The following DBF4B variants were observed in gnomAD, a reference collection of about 807,000 sequenced individuals.
DBF4B encodes the protein protein DBF4 homolog B.
A neutral mutation model predicts 53.4 loss-of-function variants in DBF4B; 49 were observed. That is an observed-to-expected ratio of 0.92 (90% CI 0.73 to 1.16). DBF4B has a LOEUF of 1.16. Ranked by LOEUF, DBF4B falls within the 50% of genes most tolerant of loss-of-function variation. The pLI, the probability that DBF4B is intolerant of heterozygous loss-of-function variation, is 0.00. For missense variants in DBF4B, 692 were observed against 775.0 expected, an observed-to-expected ratio of 0.89 and a Z score of 1.27; for synonymous variants, 257 against 288.7, an observed-to-expected ratio of 0.89 and a Z score of 1.11.
rs1195085633 is a variant in DBF4B at position 44,715,647 on chromosome 17, TTCTTA to T, written c.82+6282_82+6286del. ...GCTTTTTCTTTTCTGTGTGTTTCTT[TTCTTA>T]CAGTGTCTTGTTGTGCTTAATGGAT... is the stretch of plus-strand genomic sequence containing the variant. On this transcript the variant is annotated intron_variant, in intron 2 of 13. Transcript: ENST00000315005. Among the ~76,000 whole-genome samples the T allele has an allele frequency of 2.0e-5, 3 of 152,110 alleles. No individual in the cohort carries two copies. In the East Asian group the frequency reaches 5.8e-4, roughly 29 times the overall value.
chr17:44,709,294 C>T lies in DBF4B; in HGVS notation c.20-10C>T, dbSNP rs543164262. On this transcript the variant is annotated splice_polypyrimidine_tract_variant and intron_variant, in intron 1 of 13. Coordinates refer to ENST00000315005, the MANE Select transcript of DBF4B (RefSeq NM_145663.3). ...GAAGATGGTTGAGTTGCTGTTATGT[C>T]CTTTCTCAGGAGACGATTGCCTCGA... The T allele has an allele frequency of 1.4e-4, 220 of 1,614,020 alleles. 2 individuals carry two copies. In the East Asian group the frequency reaches 4.9e-3, roughly 36 times the overall value.
chr17:44,738,484 G>A, intron 9 of DBF4B, 60 bp downstream of exon 9: 1 of 1,561,452 alleles, frequency 6.4e-7, no homozygotes, highest in Non-Finnish European at 8.7e-7. Flanking sequence ...GAGGGAGGAG[G>A]GAGGGGTGCT....
Position 44,749,958 on chromosome 17 carries a change from T to G in DBF4B, c.1190-637T>G. 9.9e-7 allele frequency: 1 copy of G among 1,006,332 alleles called. No homozygotes were observed. Among genetic ancestry groups the G allele is most frequent in the Non-Finnish European group, 1.2e-6 (1 of 842,024 alleles). The allele number at this position is 1,006,332 out of a possible 1,614,324, so 62.3% of individuals were successfully genotyped here. ...AGAGGAGGGGCTTGGGCTGCACCACTCACAGAGCTCCCTCCCCCAGGCACT... is the reference window on the plus strand; with the variant it reads ...AGAGGAGGGGCTTGGGCTGCACCACGCACAGAGCTCCCTCCCCCAGGCACT... On this transcript the variant is annotated intron_variant, in intron 13 of 13. Transcript: ENST00000315005. This position sits in a 1 kb window ranked among gnomAD's most constrained non-coding sequence, Gnocchi z 4.4.
At chr17:44,734,761 A>G (rs906797805) in intron 7 of DBF4B, among the ~76,000 whole-genome samples, 9 of 152,214 alleles carry the variant, frequency 5.9e-5, no homozygotes, top group Non-Finnish European at 8.8e-5. Flanking sequence ...AGTAATAGCT[A>G]TTAGTTAACA....
intron 2 of DBF4B, among the ~76,000 whole-genome samples, chr17:44,710,976 ATTT>A (rs10522434): frequency 1.7e-4 from 17 of 98,286 alleles, no homozygotes; most frequent in African/African-American, 8.3e-4. Context: ...TTCCAGTTTG[ATTT>A]TTTTTTTTTT....
intron 3 of DBF4B, among the ~76,000 whole-genome samples, chr17:44,727,837 A>C (rs1568175110): frequency 6.7e-6 from 1 of 149,268 alleles, no homozygotes. Flanking sequence ...AGCTGGGTTT[A>C]CAGGTGCCTG....
intron 3 of DBF4B, among the ~76,000 whole-genome samples, chr17:44,723,570 C>G (rs1974038862): frequency 6.6e-6 from 1 of 151,830 alleles, no homozygotes; most frequent in African/African-American, 2.4e-5. Flanking sequence ...CTACCCTGGC[C>G]TAAATGACAA....
chr17:44,719,844 A>AT (rs1222206528), intron 2 of DBF4B: 2 of 227,424 alleles, frequency 8.8e-6, no homozygotes, highest in Non-Finnish European at 1.9e-5. Flanking sequence ...GAAAGCTTTG[A>AT]TTTTTTTCTA....
chr17:44,744,081 A>ACCCCCCCCCCACC (rs1976349527), intron 10 of DBF4B, among the ~76,000 whole-genome samples: 1 of 8,694 alleles, frequency 1.2e-4, no homozygotes, highest in African/African-American at 5.3e-4. Context: ...TAATGAGACC[A>ACCCCCCCCCCACC]CCCCCCCCCC....
At chr17:44,717,867 T>A (rs532839224) in intron 2 of DBF4B, among the ~76,000 whole-genome samples, 1 of 151,260 alleles carries the variant, frequency 6.6e-6, no homozygotes, top group African/African-American at 2.4e-5. Context: ...ATCAAAAAAA[T>A]TCGCCAGGTA....
chr17:44,714,371 G>A (rs1459907562), intron 2 of DBF4B, among the ~76,000 whole-genome samples: 1 of 152,102 alleles, frequency 6.6e-6, no homozygotes, highest in Non-Finnish European at 1.5e-5. Context: ...GAGCCCCACA[G>A]CAATATTTGG....
intron 3 of DBF4B, among the ~76,000 whole-genome samples, chr17:44,726,542 A>G (rs963174521): frequency 1.3e-5 from 2 of 151,882 alleles, no homozygotes; most frequent in Non-Finnish European, 2.9e-5. Context: ...GATTACAGGC[A>G]TGAGCCACAG....
intron 3 of DBF4B, among the ~76,000 whole-genome samples, chr17:44,725,684 CTTTTTT>C (rs68091397): frequency 4.6e-5 from 4 of 87,662 alleles, no homozygotes; most frequent in Admixed American, 1.1e-4. Context: ...TTTTGTGCTT[CTTTTTT>C]TTTTTTTTTT....
intron 2 of DBF4B, among the ~76,000 whole-genome samples, chr17:44,718,413 ACT>A (rs1488891858): frequency 6.9e-6 from 1 of 145,640 alleles, no homozygotes; most frequent in Non-Finnish European, 1.5e-5. Context: ...ACAGAGCAAG[ACT>A]CTATCTCAAA....
In DBF4B at chr17:44,732,694, C is replaced by T. The variant is rs570745080; in HGVS notation, c.556+429C>T. 2.5e-5 allele frequency: 4 copies of T among 159,254 alleles called. No homozygotes were observed. The South Asian group carries it at 7.1e-4, about 28-fold the overall frequency. The allele number at this position is 159,254 out of a possible 1,614,324, so 9.9% of individuals were successfully genotyped here. On this transcript the variant is annotated intron_variant, in intron 6 of 13. Transcript: ENST00000315005. ...CAGCCTGACCAACGTGGTGAAACCC[C>T]GTCTCTACTAAAAATAGAAGCATTA...
chr17:44,738,443 CT>C lies in DBF4B; in HGVS notation c.713+20del. ...AAAGCAGGTGAGTGGGACCTCCTTT[CT>C]CTGCTTGCCCCAGCTAGGCCTGCAC... On this transcript the variant is annotated intron_variant, in intron 9 of 13. Transcript: ENST00000315005. 6.2e-7 allele frequency: 1 copy of C among 1,612,772 alleles called. No individual in the cohort carries two copies. Among genetic ancestry groups the C allele is most frequent in the Non-Finnish European group, 8.5e-7 (1 of 1,179,082 alleles).
Position 44,734,129 on chromosome 17 carries a change from T to C in DBF4B, c.596T>C (p.Leu199Ser), listed in dbSNP as rs62636633. 2.5e-3 allele frequency: 4,077 copies of C among 1,614,130 alleles called. 75 individuals carry two copies. The African/African-American group carries it at 0.041, about 16-fold the overall frequency. ...GTGCAACAGCTGTCTCTTGCGTCTT[T>C]ATGTGTGAAAAAACAACAGCCAAAG... ...MHVQQLSLAS[L>S]CVKKQQPKKP... The change falls in exon 7 of 14, where the codon TTA becomes TCA. Residue 199 changes from leucine (L) to serine (S), a missense_variant. By Grantham distance (145) the Leu-to-Ser change is moderately radical (BLOSUM62 -2). Coordinates refer to ENST00000315005, the MANE Select transcript of DBF4B (RefSeq NM_145663.3).
chr17:44,750,391 G>T (rs956934094), intron 13 of DBF4B: 20 of 985,206 alleles, frequency 2.0e-5, no homozygotes, highest in Admixed American at 6.2e-5. Flanking sequence ...AAGAAGGGGG[G>T]GCCCAGCTAT....
At position 44,749,265 on chromosome 17, in the gene DBF4B, ACCCCAGCCCCAG is replaced by A; in HGVS notation, c.1189+812_1189+823del. The A allele has an allele frequency of 1.6e-6, 2 of 1,290,124 alleles. No individual in the cohort carries two copies. Among genetic ancestry groups the A allele is most frequent in the Non-Finnish European group, 2.0e-6 (2 of 988,766 alleles). 79.9% of individuals were successfully genotyped at this position (1,290,124 alleles called of 1,614,324 possible). A position where few individuals can be genotyped will look rare whatever the true frequency, so the allele number is the denominator to read the frequency against. ...TCCCTGTCTCCCAGCCCTGGTCCCA[ACCCCAGCCCCAG>A]CCCCAGCCCCATGCTGGCAGAGAGC... On this transcript the variant is annotated intron_variant, in intron 13 of 13. Transcript: ENST00000315005. This position sits in a 1 kb window ranked among gnomAD's most constrained non-coding sequence, Gnocchi z 4.4.
Sources: allele counts gnomAD v4.1 joint callset (sites outside exome capture counted in the v4.1 genomes callset), GRCh38; gene constraint gnomAD v4.1.1; non-coding constraint Gnocchi (gnomAD v3.1); transcripts MANE v1.5; gene names NCBI Gene and HGNC (gene_info 2026-07-23, HGNC 2026-07-21).